The following LNP1 variants were observed in gnomAD, a reference collection of about 807,000 sequenced individuals.
LNP1 encodes the protein leukemia NUP98 fusion partner 1.
LNP1 carries 12 observed loss-of-function variants against 14.5 expected under a neutral mutation model. The observed-to-expected ratio is 0.83, with a 90% CI of 0.53 to 1.34. The LOEUF is 1.34. LNP1 is among the 40% of genes most tolerant of loss of function. The pLI is 0.00. For missense variants in LNP1, 198 were observed against 210.9 expected (o/e 0.94, Z 0.38); for synonymous variants, 75 against 71.4 (o/e 1.05, Z -0.26).
chr3:100,407,855 G>T (rs534547487), intron 1 of LNP1, among the ~76,000 whole-genome samples: 1 of 151,524 alleles, frequency 6.6e-6, no homozygotes, highest in South Asian at 2.1e-4. Flanking sequence ...TTCTTTTTCT[G>T]ATTGATCAAT....
chr3:100,448,381 C>T (rs1455091811), intron 2 of LNP1, among the ~76,000 whole-genome samples: 1 of 152,154 alleles, frequency 6.6e-6, no homozygotes, highest in Non-Finnish European at 1.5e-5. Context: ...TTATGCTAAT[C>T]TTACTAAATT....
chr3:100,414,836 T>C (rs1707065620), intron 1 of LNP1, among the ~76,000 whole-genome samples: 1 of 152,184 alleles, frequency 6.6e-6, no homozygotes, highest in African/African-American at 2.4e-5. Flanking sequence ...TTGATTTCAG[T>C]CTAATGAGAC....
chr3:100,430,526 T>C (rs1007631716), intron 2 of LNP1, among the ~76,000 whole-genome samples: 7 of 152,206 alleles, frequency 4.6e-5, no homozygotes, highest in African/African-American at 1.7e-4. Context: ...CAGTGACATG[T>C]ACAGGCGGCT....
At chr3:100,425,292 G>A (rs1450874710) in intron 1 of LNP1, among the ~76,000 whole-genome samples, 1 of 152,228 alleles carries the variant, frequency 6.6e-6, no homozygotes, top group Non-Finnish European at 1.5e-5. Context: ...ATTCAGCTAA[G>A]TTCTTTGTTT....
intron 1 of LNP1, among the ~76,000 whole-genome samples, chr3:100,429,041 G>A (rs1441597015): frequency 6.6e-6 from 1 of 151,824 alleles, no homozygotes; most frequent in Non-Finnish European, 1.5e-5. Flanking sequence ...GTAACACAGG[G>A]GTATATGTAT....
At chr3:100,450,584 G>T (rs570927061) in intron 2 of LNP1, among the ~76,000 whole-genome samples, 1 of 151,964 alleles carries the variant, frequency 6.6e-6, no homozygotes, top group Non-Finnish European at 1.5e-5. Context: ...TGATCCCTCC[G>T]CCTTGTCCTC....
intron 2 of LNP1, among the ~76,000 whole-genome samples, chr3:100,431,992 TTATATATATATATATATATA>T (rs66513332): frequency 0.055 from 1,902 of 34,412 alleles, 95 homozygotes; most frequent in Non-Finnish European, 0.11. Flanking sequence ...GAGACCTTGT[TTATATATATATATATATATA>T]TATATATATA....
intron 2 of LNP1, among the ~76,000 whole-genome samples, chr3:100,448,206 T>C (rs1707406563): frequency 6.6e-6 from 1 of 152,214 alleles, no homozygotes; most frequent in Admixed American, 6.5e-5. Context: ...ATCTTGCTTT[T>C]AACCTCCTTT....
intron 2 of LNP1, 143 bp downstream of exon 2, chr3:100,430,028 ATC>A (rs773247025): frequency 2.6e-6 from 2 of 778,684 alleles, no homozygotes; most frequent in Middle Eastern, 4.0e-4. Flanking sequence ...ACCCACAGAA[ATC>A]TCTCTTATTA....
intron 1 of LNP1, among the ~76,000 whole-genome samples, chr3:100,405,891 A>G (rs761106842): frequency 3.3e-5 from 5 of 152,096 alleles, no homozygotes; most frequent in African/African-American, 9.7e-5. Flanking sequence ...AATCCTCTTC[A>G]CTTTCACTAT....
chr3:100,424,642 C>T lies in LNP1; in HGVS notation c.-33-5055C>T, dbSNP rs192581499. Among the ~76,000 whole-genome samples, 109 of 152,260 alleles carry T rather than the reference C, an allele frequency of 7.2e-4. 2 individuals carry two copies. Among genetic ancestry groups the T allele is most frequent in the Non-Finnish European group, 1.6e-4 (11 of 68,026 alleles). ...GTTGTTCAGCATAAACCACATTAGT[C>T]GGGCAGTTTAGACCACTCTTATAAT... On this transcript the variant is annotated intron_variant, in intron 1 of 3. Transcript: ENST00000383693.
intron 1 of LNP1, among the ~76,000 whole-genome samples, chr3:100,411,135 A>G (rs1278035474): frequency 6.6e-6 from 1 of 152,172 alleles, no homozygotes; most frequent in African/African-American, 2.4e-5. Context: ...TTTAAGATCC[A>G]AAGGAATTTT....
intron 1 of LNP1, among the ~76,000 whole-genome samples, chr3:100,419,718 T>C (rs1162502661): frequency 1.3e-5 from 2 of 152,118 alleles, no homozygotes; most frequent in African/African-American, 4.8e-5. Flanking sequence ...AAATTATTTC[T>C]ATTTATATGG....
At chr3:100,419,701 TATATAAAA>T (rs1707125871) in intron 1 of LNP1, among the ~76,000 whole-genome samples, 1 of 152,144 alleles carries the variant, frequency 6.6e-6, no homozygotes, top group Non-Finnish European at 1.5e-5. Context: ...TAAAGAATGC[TATATAAAA>T]ATTATTTCTA....
rs988926227 is a variant in LNP1 at position 100,411,927 on chromosome 3, ACACT to A, written c.-34+9491_-34+9494del. On this transcript the variant is annotated intron_variant, in intron 1 of 3. Transcript: ENST00000383693. The stretch of plus-strand genomic sequence containing the variant: ...GTCCATAATAGTTAGCATATAATAG[ACACT>A]CAATAAATACTGTTTTAAGTAAATA... Among the ~76,000 whole-genome samples, 40 of 152,338 alleles carry A rather than the reference ACACT, an allele frequency of 2.6e-4. No individual in the cohort carries two copies. The Middle Eastern group carries it at 0.01, about 39-fold the overall frequency.
At chr3:100,453,826 G>C (rs1707483801) in intron 3 of LNP1, among the ~76,000 whole-genome samples, 2 of 151,946 alleles carry the variant, frequency 1.3e-5, no homozygotes, top group South Asian at 2.1e-4. Context: ...ATTAAACTCA[G>C]GAAATTAATA....
chr3:100,417,303 G>A (rs1360689087), intron 1 of LNP1, among the ~76,000 whole-genome samples: 1 of 146,708 alleles, frequency 6.8e-6, no homozygotes, highest in Non-Finnish European at 1.5e-5. Context: ...ATGTCCTGGT[G>A]TTGGTTGTAT....
intron 3 of LNP1, among the ~76,000 whole-genome samples, chr3:100,452,903 G>A (rs1464384225): frequency 1.4e-5 from 2 of 146,338 alleles, no homozygotes. Flanking sequence ...CTCACTGACT[G>A]GCCTTGAGCA....
intron 1 of LNP1, among the ~76,000 whole-genome samples, chr3:100,411,848 G>T (rs1011848464): frequency 1.3e-5 from 2 of 152,084 alleles, no homozygotes; most frequent in African/African-American, 4.8e-5. Flanking sequence ...TCGCATTGGG[G>T]GTTAGGGCTT....
Sources: allele counts gnomAD v4.1 joint callset (sites outside exome capture counted in the v4.1 genomes callset), GRCh38; gene constraint gnomAD v4.1.1; transcripts MANE v1.5; gene names NCBI Gene and HGNC (gene_info 2026-07-23, HGNC 2026-07-21).